The following DDX56 variants were observed in gnomAD, a reference collection of about 807,000 sequenced individuals.
DDX56 encodes the protein probable ATP-dependent RNA helicase DDX56.
Under a neutral mutation model 61.5 loss-of-function variants are expected in DDX56, and 45 were observed. The observed-to-expected ratio is 0.73, with a 90% CI of 0.58 to 0.94. The LOEUF (loss-of-function observed/expected upper bound fraction) is 0.94. Ranked by LOEUF, DDX56 falls within the 40% of genes least tolerant of loss-of-function variation. The probability of loss-of-function intolerance (pLI) is 0.00; values close to 1 mark genes in which losing one functional copy is unlikely to be tolerated. For synonymous variants in DDX56, 273 were observed against 268.3 expected, an observed-to-expected ratio of 1.02 and a Z score of -0.17; for missense variants, 708 against 690.7, an observed-to-expected ratio of 1.02 and a Z score of -0.28.
chr7:44,573,678 C>CT lies in DDX56; in HGVS notation c.126dup (p.Glu43ArgfsTer30). 11 of 1,613,792 alleles carry CT rather than the reference C, an allele frequency of 6.8e-6. No homozygotes were observed. Among genetic ancestry groups the CT allele is most frequent in the Non-Finnish European group, 8.5e-6 (10 of 1,180,032 alleles). ...GCCCGAGCCAGGAGGTCCTTCCCTT[C>CT]TAGGGCCAGTGGGATGGCCTTCTCC... On this transcript the variant is annotated frameshift_variant, in exon 2 of 14. Transcript: ENST00000258772. LOFTEE classifies it high-confidence loss of function.
chr7:44,572,156 A>T (rs1174309124), intron 5 of DDX56, among the ~76,000 whole-genome samples, 191 bp downstream of exon 5: 2 of 152,120 alleles, frequency 1.3e-5, no homozygotes, highest in Admixed American at 6.5e-5. Flanking sequence ...GAAATGGGAG[A>T]CATCCCTTGT....
chr7:44,569,168 G>T lies in DDX56; in HGVS notation c.1255C>A (p.Arg419=). 1 of 1,614,120 alleles carries T rather than the reference G, an allele frequency of 6.2e-7. No individual in the cohort carries two copies. Among genetic ancestry groups the T allele is most frequent in the South Asian group, 1.1e-5 (1 of 91,090 alleles). ...RGPILLPYQF[R]MEEIEGFRYR... ...CGGAAGCCCTCGATCTCCTCCATCC[G>T]GAACTGGTAGGGGAGCAGAATGGGG... Residue 419 remains arginine (R), a synonymous_variant, in exon 10 of 14, where the codon CGG becomes AGG. Coordinates refer to ENST00000258772, the MANE Select transcript of DDX56 (RefSeq NM_019082.4).
At chr7:44,568,458 G>A (rs1802594978) in intron 11 of DDX56, among the ~76,000 whole-genome samples, 1 of 151,954 alleles carries the variant, frequency 6.6e-6, no homozygotes, top group South Asian at 2.1e-4. Context: ...TGTTCCATAT[G>A]GACACGCAAC....
chr7:44,566,397 G>A (rs1159796528), intron 13 of DDX56, 51 bp downstream of exon 13: 8 of 1,440,454 alleles, frequency 5.6e-6, no homozygotes, highest in Non-Finnish European at 6.7e-6. Context: ...GATGACAAAA[G>A]AGCAGGTTGG....
intron 2 of DDX56, 84 bp downstream of exon 2, chr7:44,573,499 A>G (rs191754735): frequency 1.9e-6 from 3 of 1,542,666 alleles, no homozygotes; most frequent in Non-Finnish European, 2.6e-6. Flanking sequence ...CAGGGCCAAG[A>G]GAAAACCTCA....
rs767320648 is a variant in DDX56, at chr7:44,572,942, G to A, written c.331C>T (p.Arg111Trp). 8.1e-6 allele frequency: 13 copies of A among 1,611,748 alleles called. No homozygotes were observed. The highest frequency in any genetic ancestry group is 5.3e-5 in the African/African-American group (4 of 74,858). Residue 111 changes from arginine to tryptophan, a missense_variant, in exon 3 of 14, where the codon CGG becomes TGG. Arg to Trp is a moderately radical substitution (Grantham distance 101, BLOSUM62 -3). Coordinates refer to ENST00000258772, the MANE Select transcript of DDX56 (RefSeq NM_019082.4). ...GAGACATTGGCCACTCGGACATCCC[G>A]AGCACAGTAGGTAGCCAGCTGCTGA... ...MIQQLATYCARDVRVANVSAA... is the reference protein window; with the variant it reads ...MIQQLATYCAWDVRVANVSAA...
In DDX56 at chr7:44,570,633, G is replaced by C. The variant is rs939958943; in HGVS notation, c.1010+125C>G. The C allele has an allele frequency of 1.8e-5, 24 of 1,310,456 alleles. No homozygotes were observed. In the Admixed American group the frequency reaches 3.0e-4, roughly 16 times the overall value. 81.2% of individuals were successfully genotyped at this position (1,310,456 alleles called of 1,614,324 possible). On this transcript the variant is annotated intron_variant, in intron 7 of 13. Transcript: ENST00000258772. ...GAGCAAGAACCTGTGGGGCTCTCTG[G>C]GCTACACTACCAGCCAGGCCTGGAA...
In DDX56 at chr7:44,573,637, C is replaced by A. The variant is rs1344145926; in HGVS notation, c.168G>T (p.Gly56=). 6.2e-7 allele frequency: 1 copy of A among 1,613,688 alleles called. No homozygotes were observed. The highest frequency in any genetic ancestry group is 8.5e-7 in the Non-Finnish European group (1 of 1,180,048). Residue 56 remains glycine, a synonymous_variant, in exon 2 of 14, where the codon GGG becomes GGT. Transcript: ENST00000258772. ...DLLARARTGS[G]KTAAYAIPML... Reference sequence around the variant, plus strand: ...TCGGAATAGCATAAGCGGCCGTCTTCCCGGAGCCCGTGCGGGCCCGAGCCA... The same window carrying A: ...TCGGAATAGCATAAGCGGCCGTCTTACCGGAGCCCGTGCGGGCCCGAGCCA...
intron 5 of DDX56, 149 bp downstream of exon 5, chr7:44,572,198 C>T: frequency 1.6e-6 from 1 of 635,810 alleles, no homozygotes; most frequent in Admixed American, 2.8e-5. Flanking sequence ...GATTTTAGAC[C>T]ACTGGCTTTT....
chr7:44,573,052 T>C lies in DDX56; in HGVS notation c.223-2A>G. 6.4e-7 allele frequency: 1 copy of C among 1,563,446 alleles called. No individual in the cohort carries two copies. The highest frequency in any genetic ancestry group is 8.6e-7 in the Non-Finnish European group (1 of 1,156,446). The stretch of plus-strand genomic sequence containing the variant: ...TGCCTGTTCTACCACCGGACCTGTC[T>C]GTAAGAATATGAATTAAAGACTTTA... On this transcript the variant is annotated splice_acceptor_variant, in intron 2 of 13. Coordinates refer to ENST00000258772, the MANE Select transcript of DDX56 (RefSeq NM_019082.4). LOFTEE classifies it high-confidence loss of function.
intron 11 of DDX56, 83 bp from the exon 12 acceptor site, chr7:44,568,306 C>T (rs144290100): frequency 0.011 from 11,303 of 994,274 alleles, 98 homozygotes; most frequent in Non-Finnish European, 0.015. Flanking sequence ...GGATAACACA[C>T]TCATGTGTTT....
intron 9 of DDX56, 143 bp downstream of exon 9, chr7:44,569,666 T>C: frequency 2.7e-6 from 2 of 736,490 alleles, no homozygotes; most frequent in Non-Finnish European, 2.3e-6. Flanking sequence ...GGACAGTGCC[T>C]GCCACTCAGG....
chr7:44,570,687 G>C, intron 7 of DDX56, 71 bp downstream of exon 7: 4 of 1,547,094 alleles, frequency 2.6e-6, no homozygotes, highest in Non-Finnish European at 3.5e-6. Flanking sequence ...GTGCACTCTG[G>C]TTTTAGTCTT....
In DDX56 at chr7:44,568,892, C is replaced by T; in HGVS notation, c.1383+11G>A. Reference sequence around the variant, plus strand: ...TAAGATCTATCCCCTTCTCACCTCCCATCCACTCACCTTAAGCTTCTCAGA... The same window carrying T: ...TAAGATCTATCCCCTTCTCACCTCCTATCCACTCACCTTAAGCTTCTCAGA... On this transcript the variant is annotated intron_variant, in intron 11 of 13. Transcript: ENST00000258772. 2 of 1,608,466 alleles carry T rather than the reference C, an allele frequency of 1.2e-6. No individual in the cohort carries two copies. Among genetic ancestry groups the T allele is most frequent in the South Asian group, 2.2e-5 (2 of 90,988 alleles).
In DDX56 at chr7:44,566,445, T is replaced by C; in HGVS notation, c.1566+3A>G. The C allele has an allele frequency of 1.3e-6, 2 of 1,553,626 alleles. No homozygotes were observed. Among genetic ancestry groups the C allele is most frequent in the East Asian group, 2.4e-5 (1 of 41,042 alleles). On this transcript the variant is annotated splice_donor_region_variant and intron_variant, in intron 13 of 13. Coordinates refer to ENST00000258772, the MANE Select transcript of DDX56 (RefSeq NM_019082.4). ...GGCTGTCCGCAGTCCCCAGGAGCCG[T>C]ACCTTGGCCTTCCTACAAGAGGAAG...
At chr7:44,572,766 G>A (rs577282262) in intron 3 of DDX56, 22 bp from the exon 4 acceptor site, 2 of 1,613,240 alleles carry the variant, frequency 1.2e-6, no homozygotes, top group South Asian at 2.2e-5. Context: ...CAAGACATCA[G>A]TATCAGGCAG....
chr7:44,570,125 G>C lies in DDX56; in HGVS notation c.1014C>G (p.Ala338=), dbSNP rs781114014. The change falls in exon 8 of 14, where the codon GCC becomes GCG. Residue 338 remains alanine (A), a synonymous_variant. Transcript: ENST00000258772. ...GGGCCACACCTGCTTCCGGATCAGA[G>C]GCCCTGCAGAGATAACTCAATGTCA... ...RRGRGPKGDK[A]SDPEAGVARG... 5.0e-6 allele frequency: 8 copies of C among 1,613,918 alleles called. No homozygotes were observed. The highest frequency in any genetic ancestry group is 6.8e-6 in the Non-Finnish European group (8 of 1,180,018).
chr7:44,567,217 T>A lies in DDX56; in HGVS notation c.1490-693A>T, dbSNP rs191231718. On this transcript the variant is annotated intron_variant, in intron 12 of 13. Transcript: ENST00000258772. ...TCTCTGGCATTTTCATGTTCCCATC[T>A]CTTCTGGATCCTTCCTTTCCCAGTG... is the stretch of plus-strand genomic sequence containing the variant. Among the ~76,000 whole-genome samples, 184 of 152,056 alleles carry A rather than the reference T, an allele frequency of 1.2e-3. 6 individuals carry two copies. In the South Asian group the frequency reaches 0.037, roughly 30 times the overall value.
At position 44,569,189 on chromosome 7, in the gene DDX56, T is replaced by C; in HGVS notation, c.1234A>G (p.Ile412Val). Residue 412 changes from isoleucine to valine, a missense_variant, in exon 10 of 14, where the codon ATT (isoleucine) becomes GTT (valine). Transcript: ENST00000258772. ...ELLSGENRGP[I>V]LLPYQFRMEE... is the part of the protein sequence containing the mutation. The stretch of plus-strand genomic sequence containing the variant: ...ATCCGGAACTGGTAGGGGAGCAGAA[T>C]GGGGCCCCTGTTCTCTGTGGAGAAG... 2 of 1,613,870 alleles carry C rather than the reference T, an allele frequency of 1.2e-6. No homozygotes were observed. The highest frequency in any genetic ancestry group is 1.7e-6 in the Non-Finnish European group (2 of 1,179,996).
Sources: allele counts gnomAD v4.1 joint callset (sites outside exome capture counted in the v4.1 genomes callset), GRCh38; gene constraint gnomAD v4.1.1; transcripts MANE v1.5; gene names NCBI Gene and HGNC (gene_info 2026-07-23, HGNC 2026-07-21).